Variants in CREB5 observed in about 807,000 individuals in gnomAD.
CREB5 encodes the protein cAMP responsive element binding protein 5.
In CREB5, 19 loss-of-function variants were observed where a neutral mutation model predicts 57.1. The observed-to-expected ratio is 0.33, with a 90% CI of 0.23 to 0.49. The LOEUF (loss-of-function observed/expected upper bound fraction) is 0.49, where lower values mean the gene tolerates loss of function less well. Among genes scored for constraint, CREB5 ranks in the 20% least tolerant of loss-of-function variants. The pLI, the probability that CREB5 is intolerant of heterozygous loss-of-function variation, is 0.99. For synonymous variants in CREB5, 238 were observed against 238.3 expected (o/e 1.00, Z 0.01); for missense variants, 579 against 671.6 (o/e 0.86, Z 1.52).
chr7:28,739,912 A>G (rs1804238047), intron 7 of CREB5, among the ~76,000 whole-genome samples: 1 of 152,228 alleles, frequency 6.6e-6, no homozygotes, highest in African/African-American at 2.4e-5. Context: ...CATATTCATT[A>G]ATGTCTTTCT....
intron 5 of CREB5, among the ~76,000 whole-genome samples, chr7:28,575,316 T>C (rs1795864058): frequency 6.6e-6 from 1 of 152,104 alleles, no homozygotes; most frequent in South Asian, 2.1e-4. Context: ...CATTTGAGGG[T>C]TTTGTGTCAT....
intron 3 of CREB5, among the ~76,000 whole-genome samples, chr7:28,505,186 ATGCACG>A (rs1792429346): frequency 1.4e-5 from 2 of 144,960 alleles, no homozygotes; most frequent in South Asian, 5.0e-4. Flanking sequence ...ATATGTGCTC[ATGCACG>A]TGCACACACA....
intron 4 of CREB5, among the ~76,000 whole-genome samples, chr7:28,508,751 A>C (rs180947985): frequency 6.6e-6 from 1 of 152,300 alleles, no homozygotes; most frequent in Admixed American, 6.5e-5. Context: ...AGAGGGGTAC[A>C]AAATCTCAGT....
At chr7:28,555,109 T>TTGTGTGTGTGTGTGTGTGTGTG (rs58647223) in intron 4 of CREB5, among the ~76,000 whole-genome samples, 8,187 of 148,774 alleles carry the variant, frequency 0.055, 282 homozygotes, top group East Asian at 0.15. Flanking sequence ...ATAAGCTGCA[T>TTGTGTGTGTGTGTGTGTGTGTG]TGTGTGTGTG....
chr7:28,727,996 A>G (rs1294192873), intron 7 of CREB5, among the ~76,000 whole-genome samples: 1 of 152,114 alleles, frequency 6.6e-6, no homozygotes, highest in Non-Finnish European at 1.5e-5. Context: ...CCCTGGTTGG[A>G]GTGCAGTGGC....
chr7:28,469,180 C>A (rs1790712823), intron 1 of CREB5, among the ~76,000 whole-genome samples: 1 of 152,138 alleles, frequency 6.6e-6, no homozygotes, highest in South Asian at 2.1e-4. Flanking sequence ...GTGATTGCAC[C>A]ACTGAACTCC....
rs1211230915 is a variant in CREB5 at position 28,825,182 on chromosome 7, T to C, written c.*5903T>C. ...ATGCCACAGACACTACAGGAGATAA[T>C]GAAAGGTATCAGTTGTGTTGAGTGG... is the stretch of plus-strand genomic sequence containing the variant. On this transcript the variant is annotated 3_prime_UTR_variant, in exon 11 of 11. Transcript: ENST00000357727. The C allele has an allele frequency of 2.0e-5, 3 of 152,636 alleles. No individual in the cohort carries two copies. Among genetic ancestry groups the C allele is most frequent in the Admixed American group, 6.5e-5 (1 of 15,274 alleles). The allele number at this position is 152,636 out of a possible 1,614,324, so 9.5% of individuals were successfully genotyped here. A position where few individuals can be genotyped will look rare whatever the true frequency, so the allele number is the denominator to read the frequency against.
intron 1 of CREB5, among the ~76,000 whole-genome samples, chr7:28,324,506 G>T (rs914398550): frequency 2.0e-5 from 3 of 152,036 alleles, no homozygotes; most frequent in Admixed American, 1.3e-4. Context: ...CATACTCCTG[G>T]TTTTTCTCCC....
chr7:28,693,367 AT>A (rs1428591694), intron 5 of CREB5, among the ~76,000 whole-genome samples: 1 of 152,196 alleles, frequency 6.6e-6, no homozygotes, highest in African/African-American at 2.4e-5. Context: ...TCAACTTTTT[AT>A]TTTGCAAATC....
Position 28,804,477 on chromosome 7 carries a change from C to T in CREB5, c.981C>T (p.His327=), listed in dbSNP as rs751163818. Residue 327 remains histidine, a synonymous_variant, in exon 8 of 11, where the codon CAC becomes CAT. Transcript: ENST00000357727. ...ACCTTCATGCACACCCAGCACATCA[C>T]CAGACCTCGCCACATCCGCCCCTGC... ...HSHLHAHPAH[H]QTSPHPPLHT... The T allele has an allele frequency of 9.3e-6, 15 of 1,614,160 alleles. No individual in the cohort carries two copies. In the South Asian group the frequency reaches 1.5e-4, roughly 17 times the overall value.
At chr7:28,409,045 T>C (rs1787657150), upstream of CREB5, among the ~76,000 whole-genome samples, 2 of 151,360 alleles carry the variant, frequency 1.3e-5, no homozygotes, top group Admixed American at 6.6e-5. This position sits in a 1 kb window ranked among gnomAD's most constrained non-coding sequence, Gnocchi z 4.4. Flanking sequence ...TGGTCTTGTC[T>C]GAAACCATAA....
At chr7:28,340,783 G>A (rs960929258) in intron 1 of CREB5, among the ~76,000 whole-genome samples, 22 of 152,302 alleles carry the variant, frequency 1.4e-4, no homozygotes, top group African/African-American at 5.3e-4. Flanking sequence ...AGCCTGCAGT[G>A]GTGAGGCTTG....
intron 1 of CREB5, among the ~76,000 whole-genome samples, chr7:28,311,136 T>C (rs377159201): frequency 1.8e-4 from 2 of 10,870 alleles, no homozygotes; most frequent in African/African-American, 3.4e-4. Context: ...CTACTAAAAA[T>C]ACAAAAAAAA....
chr7:28,334,276 C>T (rs1785771163), intron 1 of CREB5, among the ~76,000 whole-genome samples: 1 of 152,130 alleles, frequency 6.6e-6, no homozygotes, highest in Non-Finnish European at 1.5e-5. Flanking sequence ...CTGCCTCAGC[C>T]TCCTGAGTAG....
At chr7:28,793,525 G>A (rs550227653) in intron 7 of CREB5, among the ~76,000 whole-genome samples, 1 of 152,202 alleles carries the variant, frequency 6.6e-6, no homozygotes, top group African/African-American at 2.4e-5. Context: ...TTGGGAGAAG[G>A]TTCCATCTCC....
At chr7:28,317,133 A>AT (rs1282181726) in intron 1 of CREB5, among the ~76,000 whole-genome samples, 1 of 151,480 alleles carries the variant, frequency 6.6e-6, no homozygotes, top group Non-Finnish European at 1.5e-5. Flanking sequence ...TTATCTGATG[A>AT]TTTTTTGCAT....
intron 1 of CREB5, among the ~76,000 whole-genome samples, chr7:28,407,353 A>G (rs1268295651): frequency 6.6e-6 from 1 of 152,140 alleles, no homozygotes; most frequent in African/African-American, 2.4e-5. Flanking sequence ...GCCCGGCCCC[A>G]AGCACAATTC....
chr7:28,510,072 G>C (rs749623743), intron 4 of CREB5, among the ~76,000 whole-genome samples: 1 of 152,202 alleles, frequency 6.6e-6, no homozygotes, highest in Non-Finnish European at 1.5e-5. Flanking sequence ...GGTGGCTTTG[G>C]CTCTGGCATT....
chr7:28,774,123 T>A (rs1806492623), intron 7 of CREB5, among the ~76,000 whole-genome samples: 1 of 152,226 alleles, frequency 6.6e-6, no homozygotes, highest in African/African-American at 2.4e-5. Context: ...CAGTATGAGT[T>A]ATTTTTTATG....
Sources: gnomAD v4.1 joint callset for allele counts (sites outside exome capture counted in the v4.1 genomes callset) on GRCh38, gnomAD v4.1.1 for gene constraint, Gnocchi (gnomAD v3.1) non-coding constraint, MANE v1.5 for transcripts, NCBI Gene and HGNC (gene_info 2026-07-23, HGNC 2026-07-21) for gene names.